The following SCTR variants were observed in gnomAD, a reference collection of about 807,000 sequenced individuals.
The protein encoded by SCTR is secretin receptor, also known as pancreatic secretin receptor.
In SCTR, 56 loss-of-function variants were observed where a neutral mutation model predicts 60.8. That is an observed-to-expected ratio of 0.92 (90% CI 0.74 to 1.15). The LOEUF is 1.15. Among genes scored for constraint, SCTR ranks in the 50% most tolerant of loss-of-function variants. SCTR has a pLI of 0.00. For missense variants in SCTR, 562 were observed against 550.4 expected, an observed-to-expected ratio of 1.02 and a Z score of -0.21; for synonymous variants, 202 against 217.0, an observed-to-expected ratio of 0.93 and a Z score of 0.61.
chr2:119,501,954 C>T (rs1296055106), intron 1 of SCTR, among the ~76,000 whole-genome samples: 1 of 152,130 alleles, frequency 6.6e-6, no homozygotes, highest in African/African-American at 2.4e-5. Context: ...AGCACATGCA[C>T]AGTGAATTAA....
intron 1 of SCTR, among the ~76,000 whole-genome samples, chr2:119,496,218 T>A (rs1376878985): frequency 1.3e-5 from 2 of 152,096 alleles, no homozygotes; most frequent in South Asian, 4.2e-4. Flanking sequence ...TCAGCACACA[T>A]GCTGTTCAGA....
At chr2:119,489,285 G>A (rs1443308454) in intron 2 of SCTR, among the ~76,000 whole-genome samples, 2 of 152,164 alleles carry the variant, frequency 1.3e-5, no homozygotes, top group Non-Finnish European at 2.9e-5. Flanking sequence ...TGTCCTCTGC[G>A]GGGGCCTCAC....
chr2:119,522,683 C>G (rs553113623), intron 1 of SCTR, among the ~76,000 whole-genome samples: 4 of 152,272 alleles, frequency 2.6e-5, no homozygotes, highest in South Asian at 4.1e-4. Context: ...GTACCAGTTA[C>G]GACAGTCTCA....
At position 119,446,793 on chromosome 2, in the gene SCTR, T is replaced by G; in HGVS notation, c.1106A>C (p.Gln369Pro). The change falls in exon 11 of 13, where the codon CAG becomes CCG. Residue 369 changes from glutamine (Q) to proline (P), a missense_variant. By Grantham distance (76) the Gln-to-Pro change is moderately conservative. Coordinates refer to ENST00000019103, the MANE Select transcript of SCTR (RefSeq NM_002980.3). ...AFSPEDAMEI[Q>P]LFFELALGSF... ...GCCAAGGGCTAGTTCAAAAAACAGC[T>G]GGATCTCCATAGCGTCCTCTGGGGA... 6.4e-7 allele frequency: 1 copy of G among 1,566,390 alleles called. No homozygotes were observed. Among genetic ancestry groups the G allele is most frequent in the African/African-American group, 1.4e-5 (1 of 72,892 alleles).
chr2:119,512,213 G>A (rs2104942630), intron 1 of SCTR, among the ~76,000 whole-genome samples: 1 of 151,998 alleles, frequency 6.6e-6, no homozygotes, highest in African/African-American at 2.4e-5. Context: ...ATTCCCACTA[G>A]CAGAGTATCG....
At chr2:119,448,594 C>T (rs1443603640) in intron 10 of SCTR, 95 bp downstream of exon 10, 3 of 751,596 alleles carry the variant, frequency 4.0e-6, no homozygotes, top group African/African-American at 1.7e-5. Flanking sequence ...ACAACGTTTC[C>T]TCCGTCTCCA....
At chr2:119,492,865 TA>T in intron 2 of SCTR, among the ~76,000 whole-genome samples, 1 of 150,780 alleles carries the variant, frequency 6.6e-6, no homozygotes. Flanking sequence ...TTTATTTATT[TA>T]TTTATTTATT....
chr2:119,478,552 G>A (rs1184223622), intron 3 of SCTR, among the ~76,000 whole-genome samples: 3 of 152,148 alleles, frequency 2.0e-5, no homozygotes, highest in Admixed American at 6.5e-5. Flanking sequence ...AAGGGCCTGG[G>A]GAAGACAGAA....
At chr2:119,516,618 A>G (rs1452037768) in intron 1 of SCTR, among the ~76,000 whole-genome samples, 1 of 152,170 alleles carries the variant, frequency 6.6e-6, no homozygotes, top group Non-Finnish European at 1.5e-5. Flanking sequence ...TTACACCAGG[A>G]TGAATAAGTC....
intron 1 of SCTR, among the ~76,000 whole-genome samples, chr2:119,502,265 T>C (rs1218073800): frequency 1.3e-5 from 2 of 151,268 alleles, no homozygotes; most frequent in African/African-American, 4.9e-5. Context: ...AAAAAGAAAA[T>C]ACAGTATCAC....
At chr2:119,464,833 C>A (rs776536939) in intron 5 of SCTR, among the ~76,000 whole-genome samples, 34 of 152,222 alleles carry the variant, frequency 2.2e-4, no homozygotes, top group Admixed American at 9.8e-4. Context: ...GGGGTGAGGA[C>A]GGCAACCAGA....
At chr2:119,449,998 A>G (rs1481765970) in intron 9 of SCTR, among the ~76,000 whole-genome samples, 6 of 125,846 alleles carry the variant, frequency 4.8e-5, no homozygotes, top group Admixed American at 7.8e-5. Flanking sequence ...GGAAGGAAGA[A>G]AGAGGGAGGG....
Position 119,465,781 on chromosome 2 carries a change from G to A in SCTR, c.503+8C>T, listed in dbSNP as rs1683807351. ...CTGGGGTATGGAGAGCTGGCAGTGTGTTCTCACCGGAAAGCACAGAGGATG... is the reference window on the plus strand; with the variant it reads ...CTGGGGTATGGAGAGCTGGCAGTGTATTCTCACCGGAAAGCACAGAGGATG... On this transcript the variant is annotated splice_region_variant and intron_variant, in intron 5 of 12. Coordinates refer to ENST00000019103, the MANE Select transcript of SCTR (RefSeq NM_002980.3). 1 of 1,596,938 alleles carries A rather than the reference G, an allele frequency of 6.3e-7. No individual in the cohort carries two copies. The highest frequency in any genetic ancestry group is 1.3e-5 in the African/African-American group (1 of 74,580).
intron 7 of SCTR, among the ~76,000 whole-genome samples, chr2:119,459,123 GTATTCATCACTGTGC>G (rs1373570394): frequency 1.3e-5 from 2 of 152,142 alleles, no homozygotes; most frequent in Non-Finnish European, 1.5e-5. Context: ...GCCCATAAAG[GTATTCATCACTGTGC>G]TATTTATAAT....
At chr2:119,451,954 G>A in intron 9 of SCTR, 56 bp downstream of exon 9, 1 of 1,117,118 alleles carries the variant, frequency 9.0e-7, no homozygotes, top group East Asian at 2.4e-5. Context: ...CTGTGGGCTG[G>A]TCACCATTTC....
At chr2:119,510,205 A>G (rs1299881616) in intron 1 of SCTR, among the ~76,000 whole-genome samples, 6 of 147,848 alleles carry the variant, frequency 4.1e-5, no homozygotes, top group Non-Finnish European at 5.9e-5. Flanking sequence ...TCATTGTTCA[A>G]CTCCCACTTA....
At chr2:119,508,570 T>C (rs965030005) in intron 1 of SCTR, among the ~76,000 whole-genome samples, 5 of 151,740 alleles carry the variant, frequency 3.3e-5, no homozygotes, top group African/African-American at 1.2e-4. Context: ...ATTTTTTTGG[T>C]AGAGACAAGG....
intron 2 of SCTR, among the ~76,000 whole-genome samples, chr2:119,490,853 C>T (rs1454001624): frequency 6.6e-6 from 1 of 152,226 alleles, no homozygotes; most frequent in Non-Finnish European, 1.5e-5. Flanking sequence ...TCCCTAAGCA[C>T]AGCAGGCTGG....
chr2:119,486,114 A>G (rs1025795450), intron 2 of SCTR: 2 of 152,228 alleles, frequency 1.3e-5, no homozygotes, highest in African/African-American at 2.4e-5. Flanking sequence ...TTAAAAACAC[A>G]TCGCAGGAGA....
Sources: gnomAD v4.1 joint callset for allele counts (sites outside exome capture counted in the v4.1 genomes callset) on GRCh38, gnomAD v4.1.1 for gene constraint, MANE v1.5 for transcripts, NCBI Gene and HGNC (gene_info 2026-07-23, HGNC 2026-07-21) for gene names.